Variants in WDFY3 observed in about 807,000 individuals in gnomAD.
The protein encoded by WDFY3 is WD repeat and FYVE domain containing 3.
In WDFY3, 66 loss-of-function variants were observed where a neutral mutation model predicts 409.6. The ratio of observed to expected loss-of-function variants is 0.16; its 90% confidence interval spans 0.13 to 0.20. The LOEUF is 0.20. Ranked by LOEUF, WDFY3 falls within the 10% of genes least tolerant of loss-of-function variation. WDFY3 has a pLI of 1.00. For missense variants in WDFY3, 3,031 were observed against 4,298.1 expected, an observed-to-expected ratio of 0.71 and a Z score of 8.24; for synonymous variants, 1,521 against 1,537.1, an observed-to-expected ratio of 0.99 and a Z score of 0.25.
At chr4:84,865,171 G>A (rs1761204442) in intron 3 of WDFY3, among the ~76,000 whole-genome samples, 2 of 152,144 alleles carry the variant, frequency 1.3e-5, no homozygotes, top group African/African-American at 2.4e-5. Context: ...TTACAGGTAT[G>A]AGCCACCGCA....
chr4:84,746,317 A>T (rs543428347), intron 36 of WDFY3, among the ~76,000 whole-genome samples: 1 of 152,146 alleles, frequency 6.6e-6, no homozygotes, highest in South Asian at 2.1e-4. Flanking sequence ...ATCCTGTCTT[A>T]AAAAAAGAAA....
intron 32 of WDFY3, among the ~76,000 whole-genome samples, chr4:84,758,641 G>T (rs891228223): frequency 6.6e-6 from 1 of 152,048 alleles, no homozygotes; most frequent in Non-Finnish European, 1.5e-5. Flanking sequence ...AAAAATTTAT[G>T]TCTAGGTTGC....
At chr4:84,784,657 G>A (rs879385864) in intron 24 of WDFY3, among the ~76,000 whole-genome samples, 6 of 151,384 alleles carry the variant, frequency 4.0e-5, no homozygotes, top group Non-Finnish European at 7.4e-5. Context: ...GGCCAACATG[G>A]TGAAACCCTG....
At chr4:84,812,514 A>G (rs896047482) in intron 13 of WDFY3, among the ~76,000 whole-genome samples, 1 of 152,180 alleles carries the variant, frequency 6.6e-6, no homozygotes, top group Non-Finnish European at 1.5e-5. Context: ...GGAAACAACA[A>G]TAACTAACCT....
chr4:84,844,309 A>T (rs1386299696), intron 5 of WDFY3: 1 of 382,036 alleles, frequency 2.6e-6, no homozygotes, highest in Non-Finnish European at 4.7e-6. Context: ...ATACTTATTT[A>T]ATTAATGAAG....
At chr4:84,899,748 A>C (rs1017009224) in intron 2 of WDFY3, among the ~76,000 whole-genome samples, 7 of 152,276 alleles carry the variant, frequency 4.6e-5, no homozygotes, top group Admixed American at 6.5e-5. Flanking sequence ...AAGAAATAAA[A>C]ACTGGGCCAA....
intron 7 of WDFY3, 55 bp downstream of exon 7, chr4:84,836,874 G>C: frequency 7.4e-7 from 1 of 1,347,238 alleles, no homozygotes; most frequent in East Asian, 2.7e-5. Context: ...TATTTAGGAA[G>C]TATACCCACT....
At chr4:84,680,551 AC>A (rs1727182819) in intron 64 of WDFY3, among the ~76,000 whole-genome samples, 1 of 151,902 alleles carries the variant, frequency 6.6e-6, no homozygotes, top group Admixed American at 6.6e-5. Flanking sequence ...TCAACTCTCT[AC>A]TCTCTTGCAA....
intron 2 of WDFY3, among the ~76,000 whole-genome samples, chr4:84,900,293 A>G (rs1766178507): frequency 6.6e-6 from 1 of 152,102 alleles, no homozygotes; most frequent in African/African-American, 2.4e-5. Context: ...TGGTACAATC[A>G]TAGCTCACTG....
chr4:84,824,425 G>T (rs532195225), intron 10 of WDFY3, among the ~76,000 whole-genome samples: 1 of 152,226 alleles, frequency 6.6e-6, no homozygotes, highest in African/African-American at 2.4e-5. Flanking sequence ...ACTATCTGTG[G>T]TTTCAGGTAT....
At chr4:84,816,764 A>C (rs1440753566) in intron 13 of WDFY3, among the ~76,000 whole-genome samples, 1 of 152,076 alleles carries the variant, frequency 6.6e-6, no homozygotes, top group African/African-American at 2.4e-5. Context: ...TGAGTGTATA[A>C]ATCTGTATAA....
intron 33 of WDFY3, 99 bp downstream of exon 33, chr4:84,756,827 T>G (rs1039937900): frequency 2.0e-5 from 25 of 1,260,620 alleles, no homozygotes; most frequent in Non-Finnish European, 2.8e-5. Flanking sequence ...GTGGGGAAAG[T>G]GATGGAATTG....
intron 49 of WDFY3, among the ~76,000 whole-genome samples, chr4:84,716,213 G>A (rs901944924): frequency 8.6e-5 from 13 of 151,898 alleles, no homozygotes; most frequent in African/African-American, 1.7e-4. Context: ...CGAGGCAGGC[G>A]GATCACGAGG....
chr4:84,702,445 G>A lies in WDFY3; in HGVS notation c.8504C>T (p.Ala2835Val), dbSNP rs1731203417. 6.2e-7 allele frequency: 1 copy of A among 1,613,714 alleles called. No individual in the cohort carries two copies. The highest frequency in any genetic ancestry group is 8.5e-7 in the Non-Finnish European group (1 of 1,179,962). The change falls in exon 56 of 68, where the codon GCG becomes GTG. Residue 2835 changes from alanine (A) to valine (V), a missense_variant. By Grantham distance (64) the Ala-to-Val change is moderately conservative. Transcript: ENST00000295888. ...TACATCTGCCATATTGTGCTTTGACGCTGAATACCAGGCCTCGCGCACACT... is the reference window on the plus strand; with the variant it reads ...TACATCTGCCATATTGTGCTTTGACACTGAATACCAGGCCTCGCGCACACT... ...FHSVREAWYS[A>V]SKHNMADVKE...
At chr4:84,701,795 TTTAC>T (rs569200479) in intron 56 of WDFY3, among the ~76,000 whole-genome samples, 126 of 152,250 alleles carry the variant, frequency 8.3e-4, no homozygotes, top group Admixed American at 3.5e-3. Flanking sequence ...AGAAAAGGGG[TTTAC>T]TTAAAGTTAT....
chr4:84,777,032 A>G (rs1362917296), intron 27 of WDFY3, among the ~76,000 whole-genome samples: 1 of 152,096 alleles, frequency 6.6e-6, no homozygotes, highest in Non-Finnish European at 1.5e-5. Context: ...AGTAGAACCT[A>G]TATGACAATA....
In WDFY3 at chr4:84,899,654, A is replaced by G. The variant is rs541718543; in HGVS notation, c.-131-2644T>C. On this transcript the variant is annotated intron_variant, in intron 2 of 67. Coordinates refer to ENST00000295888, the MANE Select transcript of WDFY3 (RefSeq NM_014991.6). The stretch of plus-strand genomic sequence containing the variant: ...TCTATGACTCCTTTCACACTACAAC[A>G]GCAGAGTACCCACAACAGAGACCCT... Among the ~76,000 whole-genome samples the G allele has an allele frequency of 6.4e-4, 97 of 152,286 alleles. No homozygotes were observed. The South Asian group carries it at 0.02, about 32-fold the overall frequency.
chr4:84,715,452 T>C (rs1203156475), intron 49 of WDFY3, 69 bp from the exon 50 acceptor site: 22 of 939,192 alleles, frequency 2.3e-5, no homozygotes, highest in Admixed American at 1.6e-4. Flanking sequence ...ATATTAACTT[T>C]TCCACTATAA....
rs143208950 is a variant in WDFY3, at chr4:84,939,427, C to A, written c.-225-7064G>T. On this transcript the variant is annotated intron_variant, in intron 1 of 67. Transcript: ENST00000295888. ...TCTGTGGGGTGATGCTTTAAGACAT[C>A]GAAAATATCCTGCTTCTCATCAAAA... Among the ~76,000 whole-genome samples, 33 of 152,190 alleles carry A rather than the reference C, an allele frequency of 2.2e-4. No homozygotes were observed. In the East Asian group the frequency reaches 5.8e-3, roughly 27 times the overall value.
Sources: gnomAD v4.1 joint callset for allele counts (sites outside exome capture counted in the v4.1 genomes callset) on GRCh38, gnomAD v4.1.1 for gene constraint, MANE v1.5 for transcripts, NCBI Gene and HGNC (gene_info 2026-07-23, HGNC 2026-07-21) for gene names.